ALG9: variants seen among roughly 807,000 people sequenced by gnomAD.
ALG9 encodes the protein ALG9 alpha-1,2-mannosyltransferase, also known as alpha-1,2-mannosyltransferase ALG9.
ALG9 carries 55 observed loss-of-function variants against 81.8 expected under a neutral mutation model. That is an observed-to-expected ratio of 0.67 (90% CI 0.54 to 0.84). The LOEUF (loss-of-function observed/expected upper bound fraction) is 0.84. Among genes scored for constraint, ALG9 ranks in the 40% least tolerant of loss-of-function variants. The pLI, the probability that ALG9 is intolerant of heterozygous loss-of-function variation, is 0.00. For synonymous variants in ALG9, 278 were observed against 274.3 expected (o/e 1.01, Z -0.13); for missense variants, 629 against 745.0 (o/e 0.84, Z 1.81).
At chr11:111,797,373 C>T (rs560274507) in intron 14 of ALG9, among the ~76,000 whole-genome samples, 1 of 152,358 alleles carries the variant, frequency 6.6e-6, no homozygotes, top group South Asian at 2.1e-4. Context: ...ACAGCCCCAG[C>T]TGAGATCTAG....
chr11:111,817,777 CTTTTTTTTT>C (rs530765413), intron 13 of ALG9, among the ~76,000 whole-genome samples: 1 of 132,414 alleles, frequency 7.6e-6, no homozygotes. Flanking sequence ...ACTTGTATTT[CTTTTTTTTT>C]TTTTTTTTTG....
At chr11:111,803,961 C>T (rs1949534913) in intron 14 of ALG9, among the ~76,000 whole-genome samples, 1 of 151,556 alleles carries the variant, frequency 6.6e-6, no homozygotes, top group African/African-American at 2.4e-5. Context: ...GGTGAAACCC[C>T]GTCTCTACTA....
rs201090141 is a variant in ALG9, at chr11:111,844,675, T to C, written c.944A>G (p.Asn315Ser). The C allele has an allele frequency of 7.1e-5, 114 of 1,613,924 alleles. No individual in the cohort carries two copies. The highest frequency in any genetic ancestry group is 2.3e-4 in the African/African-American group (17 of 74,914). Residue 315 changes from asparagine (N) to serine (S), a missense_variant, in exon 9 of 15, where the codon AAT becomes AGT. Physicochemically the swap from Asn to Ser is conservative, Grantham distance 46. This residue lies in a region of ALG9 where 344 missense variants were observed against 390.5 expected (regional missense o/e 0.88). Coordinates refer to ENST00000616540, the MANE Select transcript of ALG9 (RefSeq NM_024740.2). Reference protein sequence around the residue: ...FYLINGFLNFNVAFALALLVL... With the variant: ...FYLINGFLNFSVAFALALLVL... ...TAGGAGAGCCAAAGCAAAGGCTACA[T>C]TGAAATTCAGAAATCCATTAATTAA...
intron 3 of ALG9, among the ~76,000 whole-genome samples, chr11:111,868,229 T>C (rs1963117838): frequency 6.6e-6 from 1 of 152,184 alleles, no homozygotes; most frequent in South Asian, 2.1e-4. Context: ...TAGGTCCCAG[T>C]TAACATCTAA....
chr11:111,840,997 A>G (rs983164407), intron 9 of ALG9, among the ~76,000 whole-genome samples, 188 bp from the exon 10 acceptor site: 29 of 152,218 alleles, frequency 1.9e-4, no homozygotes, highest in African/African-American at 7.0e-4. Context: ...TATACTCCTT[A>G]GCTCTCCCAA....
chr11:111,840,153 C>G (rs933218954), intron 10 of ALG9, among the ~76,000 whole-genome samples: 2 of 152,102 alleles, frequency 1.3e-5, no homozygotes, highest in African/African-American at 4.8e-5. Flanking sequence ...TTTCTGCCAA[C>G]TGCAAATGGT....
intron 13 of ALG9, among the ~76,000 whole-genome samples, chr11:111,820,345 C>A (rs1378083411): frequency 2.6e-5 from 4 of 151,588 alleles, no homozygotes; most frequent in African/African-American, 9.7e-5. Flanking sequence ...AAGGTGCCGG[C>A]GCCTGGTAAG....
intron 6 of ALG9, 101 bp downstream of exon 6, chr11:111,857,501 T>A: frequency 6.6e-7 from 1 of 1,504,144 alleles, no homozygotes; most frequent in East Asian, 2.3e-5. Context: ...AAAGCCCAAT[T>A]GATTAACTTC....
chr11:111,796,818 T>C (rs1948363750), intron 14 of ALG9, among the ~76,000 whole-genome samples: 1 of 152,170 alleles, frequency 6.6e-6, no homozygotes, highest in African/African-American at 2.4e-5. Context: ...ACCACCATGA[T>C]TGACATACAG....
At chr11:111,833,550 G>A (rs1954742329) in intron 13 of ALG9, among the ~76,000 whole-genome samples, 1 of 152,124 alleles carries the variant, frequency 6.6e-6, no homozygotes, top group Admixed American at 6.5e-5. Context: ...TCGTTTCCAT[G>A]CACAATAGAA....
chr11:111,848,260 A>G (rs1460831666), intron 8 of ALG9, among the ~76,000 whole-genome samples: 4 of 152,330 alleles, frequency 2.6e-5, no homozygotes, highest in African/African-American at 9.6e-5. Context: ...TGTAATTAAT[A>G]TCTTTCAAAA....
At chr11:111,790,515 G>T (rs193241183) in intron 14 of ALG9, among the ~76,000 whole-genome samples, 39 of 152,110 alleles carry the variant, frequency 2.6e-4, no homozygotes, top group Admixed American at 2.4e-3. Flanking sequence ...ATAGAAGAAG[G>T]ACTACTATGC....
rs1420208624 is a variant in ALG9 at position 111,838,165 on chromosome 11, T to A, written c.1324+84A>T. ...AAATGGCTTCTTAGTATAAGCCAAA[T>A]ATGTATTATATAATCATGAATCAAG... On this transcript the variant is annotated intron_variant, in intron 11 of 14. Transcript: ENST00000616540. 4 of 1,546,928 alleles carry A rather than the reference T, an allele frequency of 2.6e-6. No individual in the cohort carries two copies. The East Asian group carries it at 9.0e-5, about 35-fold the overall frequency.
chr11:111,842,878 C>G (rs1467773097), intron 9 of ALG9, among the ~76,000 whole-genome samples: 2 of 152,078 alleles, frequency 1.3e-5, no homozygotes, highest in Non-Finnish European at 2.9e-5. Flanking sequence ...CTGTAGAGAA[C>G]AGCTTAATAT....
chr11:111,870,296 C>T lies in ALG9; in HGVS notation c.206G>A (p.Arg69Lys). 6.2e-7 allele frequency: 1 copy of T among 1,609,244 alleles called. No homozygotes were observed. Among genetic ancestry groups the T allele is most frequent in the Non-Finnish European group, 8.5e-7 (1 of 1,178,824 alleles). Residue 69 changes from arginine to lysine, a missense_variant, in exon 2 of 15, where the codon AGG (arginine) becomes AAG (lysine). Arg to Lys is a conservative substitution (Grantham distance 26). Coordinates refer to ENST00000616540, the MANE Select transcript of ALG9 (RefSeq NM_024740.2). Reference protein sequence around the residue: ...STAFKCLLSARLCAALLSNIS... With the variant: ...STAFKCLLSAKLCAALLSNIS... ...GTTGCTCAGGAGAGCAGCACATAAC[C>T]TTGCTGAAAGCAGACACTTGAAAGC...
chr11:111,862,226 GTTTC>G (rs1480894986), intron 4 of ALG9, among the ~76,000 whole-genome samples: 3 of 144,048 alleles, frequency 2.1e-5, no homozygotes, highest in South Asian at 2.2e-4. Flanking sequence ...TGGCTTACAT[GTTTC>G]TTTTTTTTCT....
chr11:111,787,754 G>A (rs1946695211), intron 14 of ALG9, among the ~76,000 whole-genome samples: 1 of 151,062 alleles, frequency 6.6e-6, no homozygotes, highest in Non-Finnish European at 1.5e-5. Context: ...CACCGCACCT[G>A]GCAAAAAATA....
At chr11:111,871,134 A>G in intron 1 of ALG9, 3 of 1,263,720 alleles carry the variant, frequency 2.4e-6, no homozygotes, top group African/African-American at 1.6e-5. Flanking sequence ...CCGCACTCCA[A>G]GGCAGTTTTA....
intron 13 of ALG9, among the ~76,000 whole-genome samples, chr11:111,821,616 T>G (rs939970024): frequency 6.6e-6 from 1 of 151,964 alleles, no homozygotes; most frequent in Non-Finnish European, 1.5e-5. Context: ...AGAGTCATAG[T>G]GACTTCCGCT....
Sources: gnomAD v4.1 joint callset for allele counts (sites outside exome capture counted in the v4.1 genomes callset) on GRCh38, gnomAD v4.1.1 for gene constraint, gnomAD v4.1.1 regional missense constraint, MANE v1.5 for transcripts, NCBI Gene and HGNC (gene_info 2026-07-23, HGNC 2026-07-21) for gene names.